Variants in DLGAP2 observed in about 807,000 individuals in gnomAD.
The protein encoded by DLGAP2 is DLG associated protein 2.
Under a neutral mutation model 100.3 loss-of-function variants are expected in DLGAP2, and 26 were observed. The ratio of observed to expected loss-of-function variants is 0.26; its 90% CI spans 0.19 to 0.36. DLGAP2 has a LOEUF of 0.36. Among genes scored for constraint, DLGAP2 ranks in the 10% least tolerant of loss-of-function variants. The pLI, the probability that DLGAP2 is intolerant of heterozygous loss-of-function variation, is 1.00. For missense variants in DLGAP2, 1,858 were observed against 1,453.2 expected (o/e 1.28, Z -4.53); for synonymous variants, 886 against 630.1 (o/e 1.41, Z -6.08).
chr8:1,333,181 C>T (rs369780872), intron 3 of DLGAP2, among the ~76,000 whole-genome samples: 10 of 152,242 alleles, frequency 6.6e-5, no homozygotes, highest in South Asian at 2.1e-4. Context: ...CAGAAGCCTC[C>T]GCAGACTGTC....
In DLGAP2 at chr8:1,651,320, C is replaced by T. The variant is rs187613259; in HGVS notation, c.1811-17009C>T. On this transcript the variant is annotated intron_variant, in intron 8 of 14. Transcript: ENST00000637795. ...GTGCCCTGAGCCCAACCGAATGAAG[C>T]GCTGGCCCCGTCAGCAGCCATGGTC... is the stretch of plus-strand genomic sequence containing the variant. 3.7e-4 allele frequency among the ~76,000 whole-genome samples: 57 copies of T among 152,254 alleles called. No individual in the cohort carries two copies. In the East Asian group the frequency reaches 0.01, roughly 27 times the overall value.
At chr8:1,556,371 C>T (rs1479422704) in intron 5 of DLGAP2, among the ~76,000 whole-genome samples, 1 of 151,956 alleles carries the variant, frequency 6.6e-6, no homozygotes, top group African/African-American at 2.4e-5. Context: ...TCTGCTCCTG[C>T]AGGAGTGCAG....
rs1476734656 is a variant in DLGAP2 at position 1,691,844 on chromosome 8, T to A, written c.2796+218T>A. 5.5e-5 allele frequency among the ~76,000 whole-genome samples: 8 copies of A among 144,800 alleles called. No homozygotes were observed. The Admixed American group carries it at 5.6e-4, about 10-fold the overall frequency. 95.0% of individuals were successfully genotyped at this position (144,800 alleles called of 152,430 possible). A position where few individuals can be genotyped will look rare whatever the true frequency, so the allele number is the denominator to read the frequency against. ...GCAGGGAGGCGGATACGGCCCTGGTTTAAACGCGGTACCGAGGCAGGGAGG... is the reference window on the plus strand; with the variant it reads ...GCAGGGAGGCGGATACGGCCCTGGTATAAACGCGGTACCGAGGCAGGGAGG... On this transcript the variant is annotated intron_variant, in intron 13 of 14. Transcript: ENST00000637795.
At chr8:1,037,316 A>T (rs1380243370) in intron 2 of DLGAP2, among the ~76,000 whole-genome samples, 1 of 152,002 alleles carries the variant, frequency 6.6e-6, no homozygotes, top group Non-Finnish European at 1.5e-5. Flanking sequence ...AACCTGAAGG[A>T]CACCTTTTAT....
intron 2 of DLGAP2, among the ~76,000 whole-genome samples, chr8:1,211,742 G>T (rs901952375): frequency 6.6e-6 from 1 of 152,206 alleles, no homozygotes; most frequent in African/African-American, 2.4e-5. Context: ...AGGCGTGGTA[G>T]CCCATGCCTG....
intron 2 of DLGAP2, among the ~76,000 whole-genome samples, chr8:1,195,766 C>G (rs890500168): frequency 1.3e-5 from 2 of 152,212 alleles, no homozygotes; most frequent in Non-Finnish European, 2.9e-5. Flanking sequence ...ACCATCGTTG[C>G]TCACCCAGGA....
intron 2 of DLGAP2, among the ~76,000 whole-genome samples, chr8:1,026,890 G>A (rs1262516979): frequency 6.6e-6 from 1 of 152,174 alleles, no homozygotes; most frequent in African/African-American, 2.4e-5. Context: ...GATCTTTGAA[G>A]TTCTAAAGGT....
chr8:1,572,460 G>A (rs79955373), intron 6 of DLGAP2, among the ~76,000 whole-genome samples: 1,954 of 126,784 alleles, frequency 0.015, 61 homozygotes, highest in African/African-American at 0.048. Context: ...ACTGTGGGGC[G>A]TCTGATGAGA....
At chr8:1,167,640 T>C (rs1316425607) in intron 2 of DLGAP2, among the ~76,000 whole-genome samples, 1 of 152,246 alleles carries the variant, frequency 6.6e-6, no homozygotes, top group Non-Finnish European at 1.5e-5. Context: ...TTTTAATGTT[T>C]GTGAAAGTTA....
intron 2 of DLGAP2, among the ~76,000 whole-genome samples, chr8:1,250,913 C>T (rs896254197): frequency 3.9e-5 from 6 of 152,278 alleles, no homozygotes; most frequent in Admixed American, 1.3e-4. Flanking sequence ...GTTGTGTTGT[C>T]TTCATTTGTA....
At chr8:1,410,759 T>G (rs552579369) in intron 3 of DLGAP2, among the ~76,000 whole-genome samples, 1 of 152,236 alleles carries the variant, frequency 6.6e-6, no homozygotes, top group East Asian at 1.9e-4. Flanking sequence ...GGAACCTGGT[T>G]TTCTTGTTCA....
At chr8:1,479,308 G>C (rs1799023620) in intron 3 of DLGAP2, among the ~76,000 whole-genome samples, 1 of 152,252 alleles carries the variant, frequency 6.6e-6, no homozygotes, top group Non-Finnish European at 1.5e-5. Flanking sequence ...AAGATGCTGG[G>C]CGCAGGGATG....
At chr8:1,412,276 T>C (rs2129886187) in intron 3 of DLGAP2, among the ~76,000 whole-genome samples, 1 of 152,326 alleles carries the variant, frequency 6.6e-6, no homozygotes, top group East Asian at 1.9e-4. Flanking sequence ...GCAGCCTGCT[T>C]GTCTTTCATG....
At chr8:1,099,057 G>A (rs1470614777) in intron 2 of DLGAP2, among the ~76,000 whole-genome samples, 2 of 152,142 alleles carry the variant, frequency 1.3e-5, no homozygotes, top group Non-Finnish European at 2.9e-5. Flanking sequence ...AGAAAATACT[G>A]TTCTTACAGC....
At chr8:1,128,712 T>A (rs1047697764) in intron 2 of DLGAP2, among the ~76,000 whole-genome samples, 4 of 152,250 alleles carry the variant, frequency 2.6e-5, no homozygotes, top group African/African-American at 9.6e-5. Context: ...TTTTATATAC[T>A]TACGAGCGTG....
At chr8:1,015,205 CTG>C (rs369899579) in intron 2 of DLGAP2, among the ~76,000 whole-genome samples, 1 of 10,614 alleles carries the variant, frequency 9.4e-5, no homozygotes, top group Non-Finnish European at 2.5e-4. Context: ...GACGCCTCCA[CTG>C]TGTGTGTGAC....
intron 2 of DLGAP2, among the ~76,000 whole-genome samples, chr8:1,197,788 C>T (rs868721330): frequency 6.6e-6 from 1 of 152,238 alleles, no homozygotes; most frequent in African/African-American, 2.4e-5. Flanking sequence ...TCCACATGAA[C>T]CGCACTACCT....
intron 3 of DLGAP2, among the ~76,000 whole-genome samples, chr8:1,448,974 A>T (rs948687410): frequency 7.9e-5 from 12 of 152,170 alleles, no homozygotes; most frequent in African/African-American, 2.9e-4. Flanking sequence ...GGTCACGCAA[A>T]GTCTGGTTTA....
intron 1 of DLGAP2, among the ~76,000 whole-genome samples, chr8:878,792 C>G (rs1316321764): frequency 6.6e-6 from 1 of 152,196 alleles, no homozygotes. Flanking sequence ...GGCCCACTTC[C>G]CCTCCTACTT....
Sources: gnomAD v4.1 joint callset for allele counts (sites outside exome capture counted in the v4.1 genomes callset) on GRCh38, gnomAD v4.1.1 for gene constraint, MANE v1.5 for transcripts, NCBI Gene and HGNC (gene_info 2026-07-23, HGNC 2026-07-21) for gene names.